The following DHRSX variants were observed in gnomAD, a reference collection of about 807,000 sequenced individuals.
The protein encoded by DHRSX is dehydrogenase/reductase X-linked, also known as polyprenol dehydrogenase.
Under a neutral mutation model 34.0 loss-of-function variants are expected in DHRSX, and 31 were observed. That is an observed-to-expected ratio of 0.91 (90% CI 0.69 to 1.23). The LOEUF is 1.23. Ranked by LOEUF, DHRSX falls within the 50% of genes most tolerant of loss-of-function variation. The pLI, the probability that DHRSX is intolerant of heterozygous loss-of-function variation, is 0.00. For synonymous variants in DHRSX, 201 were observed against 183.8 expected, an observed-to-expected ratio of 1.09 and a Z score of -0.76; for missense variants, 414 against 428.1, an observed-to-expected ratio of 0.97 and a Z score of 0.29.
At chrX:2,315,505 C>A (rs1189524854) in intron 3 of DHRSX, among the ~76,000 whole-genome samples, 1 of 152,166 alleles carries the variant, frequency 6.6e-6, no homozygotes, top group Non-Finnish European at 1.5e-5. Flanking sequence ...TTTGGGTATA[C>A]ATAGCAGCAT....
At chrX:2,253,338 CGTG>C (rs2016481451) in intron 5 of DHRSX, among the ~76,000 whole-genome samples, 6 of 49,062 alleles carry the variant, frequency 1.2e-4, no homozygotes, top group African/African-American at 5.8e-4. Context: ...GCCAAGATGG[CGTG>C]GCCGCACTGC....
intron 1 of DHRSX, among the ~76,000 whole-genome samples, chrX:2,493,507 G>T (rs2045210475): frequency 6.6e-6 from 1 of 151,040 alleles, no homozygotes; most frequent in African/African-American, 2.4e-5. Flanking sequence ...AAGCGGTTCT[G>T]GAACCTGAAG....
intron 3 of DHRSX, among the ~76,000 whole-genome samples, chrX:2,385,756 T>C (rs763061795): frequency 3.3e-5 from 5 of 152,262 alleles, no homozygotes; most frequent in Non-Finnish European, 5.9e-5. Context: ...ATTCAGTGGA[T>C]AAGATTAAAC....
chrX:2,367,336 G>T (rs2043005858), intron 3 of DHRSX, among the ~76,000 whole-genome samples: 2 of 151,766 alleles, frequency 1.3e-5, no homozygotes, highest in Admixed American at 6.6e-5. Flanking sequence ...AACTCAGGAG[G>T]CTGAGGCAAG....
At chrX:2,408,597 A>G (rs2043587962) in intron 3 of DHRSX, 148 bp downstream of exon 3, 1 of 693,628 alleles carries the variant, frequency 1.4e-6, no homozygotes, top group African/African-American at 1.8e-5. Context: ...ATGGGGCCAG[A>G]AATCCCCAAA....
At chrX:2,283,813 T>A (rs1272942465) in intron 4 of DHRSX, among the ~76,000 whole-genome samples, 1 of 152,282 alleles carries the variant, frequency 6.6e-6, no homozygotes, top group Non-Finnish European at 1.5e-5. Context: ...AATTCACTTG[T>A]TCCTTTGAAT....
chrX:2,253,438 CGCG>C (rs2016488146), intron 5 of DHRSX, among the ~76,000 whole-genome samples: 1 of 86,924 alleles, frequency 1.2e-5, no homozygotes, highest in African/African-American at 4.6e-5. Context: ...GCCAAGATGT[CGCG>C]GCCGCACTGC....
intron 4 of DHRSX, among the ~76,000 whole-genome samples, chrX:2,268,198 G>A (rs889844742): frequency 5.3e-5 from 8 of 152,174 alleles, no homozygotes; most frequent in South Asian, 2.1e-4. Flanking sequence ...CCGGCTGAGC[G>A]CCTGCCCTGA....
At chrX:2,266,989 A>C (rs1390133635) in intron 4 of DHRSX, 42 bp from the exon 5 acceptor site, 19 of 1,597,460 alleles carry the variant, frequency 1.2e-5, no homozygotes, top group Non-Finnish European at 1.5e-5. Context: ...ACTGGGGAAG[A>C]CAGTGGAGAA....
intron 4 of DHRSX, among the ~76,000 whole-genome samples, chrX:2,269,751 G>A (rs766662441): frequency 6.6e-6 from 1 of 152,074 alleles, no homozygotes; most frequent in Non-Finnish European, 1.5e-5. Context: ...TGTTGGCCAG[G>A]CTGCTCTCAA....
intron 1 of DHRSX, among the ~76,000 whole-genome samples, chrX:2,471,488 C>T (rs752609908): frequency 1.1e-4 from 17 of 151,458 alleles, no homozygotes; most frequent in East Asian, 7.8e-4. Context: ...TGCTCAAACC[C>T]GGGAGATGTT....
chrX:2,297,040 T>C (rs1221817878), intron 3 of DHRSX, among the ~76,000 whole-genome samples: 1 of 152,108 alleles, frequency 6.6e-6, no homozygotes, highest in Non-Finnish European at 1.5e-5. Flanking sequence ...CAGATAGGAA[T>C]AGGACCCAGG....
At chrX:2,373,296 T>A (rs1174402555) in intron 3 of DHRSX, among the ~76,000 whole-genome samples, 2 of 152,136 alleles carry the variant, frequency 1.3e-5, no homozygotes, top group Non-Finnish European at 2.9e-5. Flanking sequence ...GACACAGCCA[T>A]CCCATCGTTA....
Position 2,371,349 on chromosome X carries a change from T to C in DHRSX, c.286+37396A>G, listed in dbSNP as rs1481263277. On this transcript the variant is annotated intron_variant, in intron 3 of 6. Coordinates refer to ENST00000334651, the MANE Select transcript of DHRSX (RefSeq NM_145177.3). The stretch of plus-strand genomic sequence containing the variant: ...ACTATAGTCCCTCCTTCCGTTACCA[T>C]AGTCCCTCCTCCCATTACTATAGAC... 3.0e-5 allele frequency among the ~76,000 whole-genome samples: 4 copies of C among 135,480 alleles called. No individual in the cohort carries two copies. In the South Asian group the frequency reaches 1.0e-3, roughly 34 times the overall value. 88.9% of individuals were successfully genotyped at this position (135,480 alleles called of 152,430 possible). A position where few individuals can be genotyped will look rare whatever the true frequency, so the allele number is the denominator to read the frequency against.
chrX:2,419,806 C>T (rs1474350677), intron 2 of DHRSX, among the ~76,000 whole-genome samples: 7 of 100,576 alleles, frequency 7.0e-5, no homozygotes, highest in Non-Finnish European at 1.1e-4. Context: ...CATCACACAC[C>T]GGGGACTGTT....
At chrX:2,251,264 A>G (rs959427654) in intron 5 of DHRSX, among the ~76,000 whole-genome samples, 1 of 152,230 alleles carries the variant, frequency 6.6e-6, no homozygotes, top group African/African-American at 2.4e-5. Context: ...ACTTGTGCTA[A>G]CATTCCTAAA....
At chrX:2,376,125 T>C (rs1248888055) in intron 3 of DHRSX, among the ~76,000 whole-genome samples, 1 of 137,804 alleles carries the variant, frequency 7.3e-6, no homozygotes, top group African/African-American at 2.5e-5. Flanking sequence ...TGCAGGTGCC[T>C]CTGACTCAGG....
intron 3 of DHRSX, among the ~76,000 whole-genome samples, chrX:2,333,038 C>G (rs748877756): frequency 1.3e-5 from 2 of 152,296 alleles, no homozygotes; most frequent in African/African-American, 4.8e-5. Context: ...TTTGCCTACT[C>G]ATTTCTTTGC....
chrX:2,317,743 T>C (rs369667644), intron 3 of DHRSX, among the ~76,000 whole-genome samples: 1 of 152,096 alleles, frequency 6.6e-6, no homozygotes, highest in African/African-American at 2.4e-5. Flanking sequence ...AGAGGAACAG[T>C]CAATCACGCG....
Sources: allele counts gnomAD v4.1 joint callset (sites outside exome capture counted in the v4.1 genomes callset), GRCh38; gene constraint gnomAD v4.1.1; transcripts MANE v1.5; gene names NCBI Gene and HGNC (gene_info 2026-07-23, HGNC 2026-07-21).